GPC5: variants seen among roughly 807,000 people sequenced by gnomAD.
GPC5 encodes the protein glypican-5.
A neutral mutation model predicts 53.9 loss-of-function variants in GPC5; 47 were observed. The ratio of observed to expected loss-of-function variants is 0.87; its 90% CI spans 0.69 to 1.11. The LOEUF is 1.11. GPC5 is among the 50% of genes most tolerant of loss of function. GPC5 has a pLI of 0.00. For synonymous variants in GPC5, 286 were observed against 263.3 expected (o/e 1.09, Z -0.84); for missense variants, 748 against 713.1 (o/e 1.05, Z -0.56).
chr13:92,569,408 T>C (rs1293872676), intron 7 of GPC5, among the ~76,000 whole-genome samples: 1 of 152,052 alleles, frequency 6.6e-6, no homozygotes, highest in Non-Finnish European at 1.5e-5. Flanking sequence ...AGCCCTTGTG[T>C]TGTATGTTAC....
At chr13:91,572,063 A>ATGTGTG (rs1177720739) in intron 2 of GPC5, among the ~76,000 whole-genome samples, 29 of 129,814 alleles carry the variant, frequency 2.2e-4, no homozygotes, top group Admixed American at 1.8e-3. Flanking sequence ...GTATATATAC[A>ATGTGTG]TGTATATACA....
chr13:91,994,050 C>T (rs991359468), intron 6 of GPC5, among the ~76,000 whole-genome samples: 5 of 152,154 alleles, frequency 3.3e-5, no homozygotes, highest in African/African-American at 7.2e-5. Flanking sequence ...AACTGCCTAA[C>T]GTTGAGATGT....
At chr13:91,943,114 T>G (rs1475688470) in intron 6 of GPC5, among the ~76,000 whole-genome samples, 1 of 152,120 alleles carries the variant, frequency 6.6e-6, no homozygotes, top group Non-Finnish European at 1.5e-5. Context: ...TTACACATGT[T>G]GTAATATTGA....
chr13:92,046,060 A>G (rs1057042007), intron 6 of GPC5, among the ~76,000 whole-genome samples: 1 of 151,916 alleles, frequency 6.6e-6, no homozygotes, highest in African/African-American at 2.4e-5. Context: ...GCAGTGACCC[A>G]AGATCGCACC....
chr13:92,348,148 A>G (rs1312633744), intron 7 of GPC5, among the ~76,000 whole-genome samples: 1 of 150,094 alleles, frequency 6.7e-6, no homozygotes, highest in African/African-American at 2.4e-5. Context: ...CCTTGAATAT[A>G]AATGCATTAA....
Position 92,431,478 on chromosome 13 carries a change from G to A in GPC5, c.1561+286489G>A, listed in dbSNP as rs191040017. Among the ~76,000 whole-genome samples the A allele has an allele frequency of 1.5e-3, 225 of 150,310 alleles. 1 individual carries two copies. The highest frequency in any genetic ancestry group is 4.5e-3 in the African/African-American group (185 of 40,818). On this transcript the variant is annotated intron_variant, in intron 7 of 7. Coordinates refer to ENST00000377067, the MANE Select transcript of GPC5 (RefSeq NM_004466.6). ...CTAAATAGTTGAGGCAACTAGAAAG[G>A]TTCTATAGGAAAAGCACTTCAGGAA...
intron 2 of GPC5, among the ~76,000 whole-genome samples, chr13:91,452,520 A>G (rs1292622563): frequency 6.6e-6 from 1 of 152,158 alleles, no homozygotes; most frequent in Non-Finnish European, 1.5e-5. Context: ...AAAGCAGAAC[A>G]GCCCAGGATA....
intron 7 of GPC5, among the ~76,000 whole-genome samples, chr13:92,525,479 T>TGA (rs1555286752): frequency 1.6e-4 from 23 of 144,660 alleles, no homozygotes; most frequent in African/African-American, 5.2e-4. Context: ...TGTGTGTGTG[T>TGA]GAAACAACCA....
chr13:91,948,696 C>A (rs1646395618), intron 6 of GPC5, among the ~76,000 whole-genome samples: 1 of 152,154 alleles, frequency 6.6e-6, no homozygotes, highest in African/African-American at 2.4e-5. Context: ...TTTATAATTT[C>A]TCTCTGATGG....
At chr13:92,541,836 C>T (rs1237145411) in intron 7 of GPC5, among the ~76,000 whole-genome samples, 1 of 151,554 alleles carries the variant, frequency 6.6e-6, no homozygotes, top group East Asian at 1.9e-4. Context: ...TTAATTTTTC[C>T]ACAGGGATAT....
At chr13:92,581,828 T>G in intron 7 of GPC5, among the ~76,000 whole-genome samples, 1 of 152,178 alleles carries the variant, frequency 6.6e-6, no homozygotes, top group Admixed American at 6.5e-5. Flanking sequence ...ATGCTGAGAA[T>G]TTTTATACCT....
chr13:91,844,436 T>G (rs2038825209), intron 5 of GPC5, among the ~76,000 whole-genome samples: 1 of 152,122 alleles, frequency 6.6e-6, no homozygotes, highest in African/African-American at 2.4e-5. Context: ...GGAGATGAGG[T>G]TCAGCCTGAT....
chr13:92,280,494 A>G (rs12858353), intron 7 of GPC5, among the ~76,000 whole-genome samples: 13,000 of 152,208 alleles, frequency 0.085, 614 homozygotes, highest in Middle Eastern at 0.12. Flanking sequence ...TTATAGCTGT[A>G]AGTTTCCCTT....
chr13:91,586,534 A>G (rs866587439), intron 2 of GPC5, among the ~76,000 whole-genome samples: 17 of 42,446 alleles, frequency 4.0e-4, no homozygotes, highest in African/African-American at 1.7e-3. Context: ...ATATATATAT[A>G]TATATATATA....
At chr13:92,860,764 T>C (rs1156991338) in intron 7 of GPC5, among the ~76,000 whole-genome samples, 1 of 152,160 alleles carries the variant, frequency 6.6e-6, no homozygotes, top group Non-Finnish European at 1.5e-5. Flanking sequence ...ATTTACCACC[T>C]GTCTTATTAA....
At chr13:92,150,498 A>G (rs1311778259) in intron 7 of GPC5, among the ~76,000 whole-genome samples, 1 of 152,052 alleles carries the variant, frequency 6.6e-6, no homozygotes, top group Non-Finnish European at 1.5e-5. Context: ...TAAATAATTG[A>G]TACTCATCCT....
chr13:92,815,148 T>G (rs778015374), intron 7 of GPC5, among the ~76,000 whole-genome samples: 2 of 151,634 alleles, frequency 1.3e-5, no homozygotes, highest in African/African-American at 4.9e-5. Context: ...AGATTGACAA[T>G]AAAGAAAGAA....
chr13:92,756,649 CA>C (rs1874889814), intron 7 of GPC5, among the ~76,000 whole-genome samples: 1 of 143,314 alleles, frequency 7.0e-6, no homozygotes, highest in African/African-American at 2.6e-5. Context: ...GATACAAAAT[CA>C]ATGTACAAAA....
intron 3 of GPC5, among the ~76,000 whole-genome samples, chr13:91,702,211 G>A (rs939288510): frequency 1.3e-5 from 2 of 152,000 alleles, no homozygotes; most frequent in African/African-American, 2.4e-5. Flanking sequence ...TCAGATGATG[G>A]CTTGCAAATA....
Sources: gnomAD v4.1 joint callset for allele counts (sites outside exome capture counted in the v4.1 genomes callset) on GRCh38, gnomAD v4.1.1 for gene constraint, MANE v1.5 for transcripts, NCBI Gene and HGNC (gene_info 2026-07-23, HGNC 2026-07-21) for gene names.